The following ALG14 variants were observed in gnomAD, a reference collection of about 807,000 sequenced individuals.
The protein encoded by ALG14 is ALG14 UDP-N-acetylglucosaminyltransferase subunit.
Under a neutral mutation model 22.8 loss-of-function variants are expected in ALG14, and 17 were observed. The observed-to-expected ratio is 0.75, with a 90% CI of 0.51 to 1.12. The LOEUF (loss-of-function observed/expected upper bound fraction) is 1.12. ALG14 is among the 50% of genes most tolerant of loss of function. The probability of loss-of-function intolerance (pLI) is 0.00; values close to 1 mark genes in which losing one functional copy is unlikely to be tolerated. For synonymous variants in ALG14, 89 were observed against 103.7 expected (o/e 0.86, Z 0.86); for missense variants, 288 against 271.8 (o/e 1.06, Z -0.42).
chr1:95,038,821 C>T (rs1021063086), intron 2 of ALG14, among the ~76,000 whole-genome samples: 3 of 150,870 alleles, frequency 2.0e-5, no homozygotes, highest in African/African-American at 4.9e-5. Flanking sequence ...TGGGCTCAAG[C>T]GATTCTCCCA....
intron 2 of ALG14, among the ~76,000 whole-genome samples, chr1:95,057,819 A>T (rs1674989581): frequency 6.6e-6 from 1 of 151,940 alleles, no homozygotes; most frequent in Non-Finnish European, 1.5e-5. Context: ...GGACTGATTA[A>T]ATTTCAGAAT....
intron 2 of ALG14, chr1:95,041,517 C>G (rs1041012040): frequency 6.6e-6 from 1 of 151,258 alleles, no homozygotes; most frequent in Non-Finnish European, 1.5e-5. Flanking sequence ...ACTTGGGAGG[C>G]TGAGGCAGGA....
chr1:94,985,899 A>AC (rs914995278), intron 3 of ALG14, among the ~76,000 whole-genome samples: 3 of 152,218 alleles, frequency 2.0e-5, no homozygotes, highest in Admixed American at 6.5e-5. Flanking sequence ...ACTGAAAAAA[A>AC]AAAAGCAAAC....
At chr1:95,058,163 G>A (rs1377091059) in intron 2 of ALG14, among the ~76,000 whole-genome samples, 1 of 151,270 alleles carries the variant, frequency 6.6e-6, no homozygotes, top group Non-Finnish European at 1.5e-5. Context: ...GCACATGCCT[G>A]TAATCCCAGC....
chr1:95,018,943 G>A (rs1359893759), intron 3 of ALG14, among the ~76,000 whole-genome samples: 1 of 152,296 alleles, frequency 6.6e-6, no homozygotes, highest in East Asian at 1.9e-4. Flanking sequence ...ATAACATCTG[G>A]AACTTTAAGA....
chr1:94,976,512 G>A lies in ALG14; in HGVS notation c.*6564C>T, dbSNP rs918205358. ...GTTCGAGACCAGCCCGGCCAACATG[G>A]TGAAACCCCATCTCTGCTAAAAATA... On this transcript the variant is annotated 3_prime_UTR_variant, in exon 4 of 4. Coordinates refer to ENST00000370205, the MANE Select transcript of ALG14 (RefSeq NM_144988.4). 1 of 152,100 alleles carries A rather than the reference G, an allele frequency of 6.6e-6. No homozygotes were observed. Among genetic ancestry groups the A allele is most frequent in the African/African-American group, 2.4e-5 (1 of 41,402 alleles). The allele number at this position is 152,100 out of a possible 1,614,324, so 9.4% of individuals were successfully genotyped here.
chr1:95,072,659 C>G (rs1675606521), intron 1 of ALG14, 104 bp downstream of exon 1: 1 of 1,473,754 alleles, frequency 6.8e-7, no homozygotes, highest in African/African-American at 1.4e-5. Flanking sequence ...TCTCTGCATG[C>G]AACACTCCAA....
intron 3 of ALG14, among the ~76,000 whole-genome samples, chr1:95,016,856 G>A (rs1333994126): frequency 6.6e-6 from 1 of 151,972 alleles, no homozygotes; most frequent in African/African-American, 2.4e-5. Context: ...AGAGACCACA[G>A]AGAGGATAGC....
In ALG14 at chr1:94,981,915, A is replaced by G. The variant is rs1672504364; in HGVS notation, c.*1161T>C. On this transcript the variant is annotated 3_prime_UTR_variant, in exon 4 of 4. Transcript: ENST00000370205. ...AAATATTCAGAAGTTCAAGAGAGTC[A>G]CAGCAGAACATTAAACCAAGTGGAG... The G allele has an allele frequency of 6.6e-6, 1 of 152,236 alleles. No individual in the cohort carries two copies. Among genetic ancestry groups the G allele is most frequent in the South Asian group, 2.1e-4 (1 of 4,824 alleles). 9.4% of individuals were successfully genotyped at this position (152,236 alleles called of 1,614,324 possible). A position where few individuals can be genotyped will look rare whatever the true frequency, so the allele number is the denominator to read the frequency against.
intron 2 of ALG14, among the ~76,000 whole-genome samples, chr1:95,042,325 C>CAT (rs1331154528): frequency 2.6e-5 from 4 of 151,714 alleles, no homozygotes; most frequent in Non-Finnish European, 5.9e-5. Flanking sequence ...CACACACACA[C>CAT]ACATACACAC....
intron 3 of ALG14, among the ~76,000 whole-genome samples, chr1:95,011,766 T>C (rs945346070): frequency 1.3e-5 from 2 of 152,246 alleles, no homozygotes; most frequent in African/African-American, 4.8e-5. Context: ...TACTGTGTTA[T>C]AGCAGCCTGC....
intron 2 of ALG14, among the ~76,000 whole-genome samples, chr1:95,053,140 A>G (rs1225618593): frequency 6.6e-6 from 1 of 152,194 alleles, no homozygotes; most frequent in Non-Finnish European, 1.5e-5. Context: ...GCTATATGTC[A>G]TTTATAAAAG....
intron 2 of ALG14, among the ~76,000 whole-genome samples, chr1:95,062,508 T>G (rs1054661238): frequency 6.6e-6 from 1 of 152,154 alleles, no homozygotes; most frequent in African/African-American, 2.4e-5. Context: ...ACCCATGTAT[T>G]CTCATTGTTC....
intron 3 of ALG14, 39 bp downstream of exon 3, chr1:95,027,090 G>C: frequency 6.2e-7 from 1 of 1,609,082 alleles, no homozygotes; most frequent in Non-Finnish European, 8.5e-7. Context: ...AGATCTACAG[G>C]GAGTTACTTT....
At chr1:95,028,867 T>A (rs528254084) in intron 2 of ALG14, among the ~76,000 whole-genome samples, 2 of 152,248 alleles carry the variant, frequency 1.3e-5, no homozygotes, top group African/African-American at 4.8e-5. Context: ...AAGATGATAT[T>A]ACAGGATATT....
chr1:95,022,267 C>G, intron 3 of ALG14: 1 of 963,668 alleles, frequency 1.0e-6, no homozygotes, highest in Non-Finnish European at 1.2e-6. Context: ...GAAACAGAAG[C>G]TATAACATTT....
At chr1:95,057,578 A>G (rs1674977209) in intron 2 of ALG14, among the ~76,000 whole-genome samples, 1 of 150,626 alleles carries the variant, frequency 6.6e-6, no homozygotes. Context: ...ATACATGCAC[A>G]CGCGCACACA....
chr1:95,001,361 G>C (rs933416437), intron 3 of ALG14, among the ~76,000 whole-genome samples: 2 of 152,226 alleles, frequency 1.3e-5, no homozygotes, highest in African/African-American at 4.8e-5. Flanking sequence ...GCTGGATAGG[G>C]AAAAACAGAG....
chr1:94,993,274 AATATATTT>A (rs1227712236), intron 3 of ALG14, among the ~76,000 whole-genome samples: 8 of 146,218 alleles, frequency 5.5e-5, no homozygotes, highest in South Asian at 4.2e-4. Flanking sequence ...TATATATTAT[AATATATTT>A]ATATATTTAT....
Sources: allele counts gnomAD v4.1 joint callset (sites outside exome capture counted in the v4.1 genomes callset), GRCh38; gene constraint gnomAD v4.1.1; transcripts MANE v1.5; gene names NCBI Gene and HGNC (gene_info 2026-07-23, HGNC 2026-07-21).